MUC12: variants seen among roughly 807,000 people sequenced by gnomAD.
The protein encoded by MUC12 is mucin 12, cell surface associated, also known as mucin-12.
Under a neutral mutation model 230.8 loss-of-function variants are expected in MUC12, and 172 were observed. The ratio of observed to expected loss-of-function variants is 0.75; its 90% confidence interval spans 0.66 to 0.85. MUC12 has a LOEUF of 0.85. Among genes scored for constraint, MUC12 ranks in the 40% least tolerant of loss-of-function variants. The pLI, the probability that MUC12 is intolerant of heterozygous loss-of-function variation, is 0.00. For synonymous variants in MUC12, 1,259 were observed against 2,401.9 expected, an observed-to-expected ratio of 0.52 and a Z score of 13.91; for missense variants, 3,506 against 5,920.6, an observed-to-expected ratio of 0.59 and a Z score of 13.38.
In MUC12 at chr7:100,991,439, T is replaced by C; in HGVS notation, c.876T>C (p.Ser292=). Residue 292 remains serine (S), a synonymous_variant, in exon 2 of 12, where the codon TCT becomes TCC. Coordinates refer to ENST00000536621, the MANE Select transcript of MUC12 (RefSeq NM_001164462.2). ...PSSKDTSPAP[S]GTTSAFVKLS... is the part of the protein sequence containing the mutation. ...CAAAGGACACTTCGCCTGCACCTTC[T>C]GGTACCACATCAGCCTTTGTTAAAC... 6.5e-7 allele frequency: 1 copy of C among 1,537,810 alleles called. No homozygotes were observed. The highest frequency in any genetic ancestry group is 8.7e-7 in the Non-Finnish European group (1 of 1,147,038).
rs1266395789 is a variant in MUC12, at chr7:100,992,807, A to T, written c.2244A>T (p.Ser748=). 1 of 1,537,310 alleles carries T rather than the reference A, an allele frequency of 6.5e-7. No individual in the cohort carries two copies. The highest frequency in any genetic ancestry group is 2.4e-5 in the East Asian group (1 of 40,930). ...EPTSYHSSPG[S]TATTHFPDSS... ...CCAGCTACCACAGCAGCCCGGGCTCAACTGCAACAACACACTTCCCTGACA... is the reference window on the plus strand; with the variant it reads ...CCAGCTACCACAGCAGCCCGGGCTCTACTGCAACAACACACTTCCCTGACA... Residue 748 remains serine (S), a synonymous_variant, in exon 2 of 12, where the codon TCA becomes TCT. Transcript: ENST00000536621.
rs572421103 is a variant in MUC12, at chr7:100,976,768, C to T, written c.67+7079C>T. 3.5e-4 allele frequency among the ~76,000 whole-genome samples: 53 copies of T among 151,606 alleles called. 1 individual carries two copies. The highest frequency in any genetic ancestry group is 1.1e-3 in the African/African-American group (47 of 41,306). On this transcript the variant is annotated intron_variant, in intron 1 of 11. Transcript: ENST00000536621. ...GCACAGAGATGATAAATAATTTGCTCGGTGGGGCGTGGTGTCTCACGCCTG... is the reference window on the plus strand; with the variant it reads ...GCACAGAGATGATAAATAATTTGCTTGGTGGGGCGTGGTGTCTCACGCCTG...
At chr7:100,989,340 T>C (rs1422933202) in intron 1 of MUC12, among the ~76,000 whole-genome samples, 1 of 152,064 alleles carries the variant, frequency 6.6e-6, no homozygotes, top group Non-Finnish European at 1.5e-5. Context: ...ACTCCTGACC[T>C]CAAGTGATCT....
At chr7:100,987,472 AG>A (rs1442374553) in intron 1 of MUC12, among the ~76,000 whole-genome samples, 1 of 152,160 alleles carries the variant, frequency 6.6e-6, no homozygotes, top group Non-Finnish European at 1.5e-5. Context: ...GACCAGGTAG[AG>A]GGGGCAGTGT....
chr7:100,971,993 C>T, intron 1 of MUC12: 1 of 692,702 alleles, frequency 1.4e-6, no homozygotes. Flanking sequence ...GCAAAACAGT[C>T]AGAAAAACAT....
At chr7:100,971,675 AT>A (rs1461388854) in intron 1 of MUC12, among the ~76,000 whole-genome samples, 1 of 152,310 alleles carries the variant, frequency 6.6e-6, no homozygotes, top group Non-Finnish European at 1.5e-5. Context: ...GAGTTTATTA[AT>A]AAGACATAGA....
intron 8 of MUC12, 112 bp from the exon 9 acceptor site, chr7:101,013,801 C>A (rs1793875597): frequency 7.9e-7 from 1 of 1,267,236 alleles, no homozygotes; most frequent in African/African-American, 1.5e-5. Context: ...TGAGCTCCAG[C>A]CGTTGGAGTG....
intron 1 of MUC12, among the ~76,000 whole-genome samples, chr7:100,983,691 G>A (rs890831399): frequency 3.3e-5 from 5 of 152,064 alleles, no homozygotes; most frequent in Admixed American, 6.6e-5. Context: ...GTGATAGGGC[G>A]AGTACAGGAA....
rs1459418768 is a variant in MUC12 at position 100,992,518 on chromosome 7, C to G, written c.1955C>G (p.Ser652Ter). The part of the protein sequence containing the change: ...DTRPAPPTTT[S>*]AFVEPSTTSH... ...AGGCCTGCACCTCCTACTACCACAT[C>G]AGCCTTTGTTGAGCCATCTACAACC... Residue 652 changes from serine to a stop codon, truncating the protein, a stop_gained, in exon 2 of 12, where the codon TCA becomes TGA. Transcript: ENST00000536621. LOFTEE classifies it high-confidence loss of function. 6.5e-7 allele frequency: 1 copy of G among 1,537,970 alleles called. No individual in the cohort carries two copies. Among genetic ancestry groups the G allele is most frequent in the Non-Finnish European group, 8.7e-7 (1 of 1,147,070 alleles).
chr7:100,979,171 T>A lies in MUC12; in HGVS notation c.67+9482T>A, dbSNP rs139859966. Among the ~76,000 whole-genome samples the A allele has an allele frequency of 2.8e-3, 432 of 152,214 alleles. 5 individuals are homozygous for A. The highest frequency in any genetic ancestry group is 9.6e-3 in the African/African-American group (400 of 41,524). On this transcript the variant is annotated intron_variant, in intron 1 of 11. Coordinates refer to ENST00000536621, the MANE Select transcript of MUC12 (RefSeq NM_001164462.2). ...ATGTAGAAGCAGTAAACACTGTAAA[T>A]GGGCAAGAAAGGACTCAACTTAATT...
chr7:101,013,645 G>A (rs1793873349), intron 8 of MUC12, among the ~76,000 whole-genome samples: 1 of 152,130 alleles, frequency 6.6e-6, no homozygotes, highest in African/African-American at 2.4e-5. Context: ...TGGGTGAATG[G>A]TACGTGTCTG....
chr7:100,995,369 G>C lies in MUC12; in HGVS notation c.4806G>C (p.Gln1602His). Residue 1602 changes from glutamine to histidine, a missense_variant, in exon 2 of 12, where the codon CAG becomes CAC. By Grantham distance (24) the Gln-to-His change is conservative (BLOSUM62 0). Transcript: ENST00000536621. ...PGSTTMPGVSQESTASHSSPG... is the reference protein window; with the variant it reads ...PGSTTMPGVSHESTASHSSPG... ...GTACCACCATGCCAGGCGTCAGTCA[G>C]GAATCTACAGCTTCCCACAGCAGCC... 2 of 1,535,268 alleles carry C rather than the reference G, an allele frequency of 1.3e-6. No individual in the cohort carries two copies. Among genetic ancestry groups the C allele is most frequent in the Non-Finnish European group, 1.7e-6 (2 of 1,146,646 alleles).
chr7:100,991,790 T>C lies in MUC12; in HGVS notation c.1227T>C (p.His409=), dbSNP rs1793316249. Residue 409 remains histidine (H), a synonymous_variant, in exon 2 of 12, where the codon CAT becomes CAC. Transcript: ENST00000536621. The part of the protein sequence containing the change: ...STPSTTAALA[H]TSYHSSLGST... ...CTAGCACCACAGCTGCCCTAGCACATACAAGCTACCACAGCAGCCTGGGCT... is the reference window on the plus strand; with the variant it reads ...CTAGCACCACAGCTGCCCTAGCACACACAAGCTACCACAGCAGCCTGGGCT... 2 of 1,537,790 alleles carry C rather than the reference T, an allele frequency of 1.3e-6. No individual in the cohort carries two copies. The highest frequency in any genetic ancestry group is 1.4e-5 in the African/African-American group (1 of 73,038).
At chr7:100,972,797 C>T (rs1302231067) in intron 1 of MUC12, 4 of 694,474 alleles carry the variant, frequency 5.8e-6, no homozygotes, top group African/African-American at 1.8e-5. Flanking sequence ...CGAGCCACCG[C>T]ATCTGGCCCA....
rs1457899098 is a variant in MUC12 at position 100,994,637 on chromosome 7, C to G, written c.4074C>G (p.Ser1358Arg). The change falls in exon 2 of 12, where the codon AGC becomes AGG. Residue 1358 changes from serine to arginine, a missense_variant. Ser to Arg is a moderately radical substitution (Grantham distance 110). Transcript: ENST00000536621. Reference protein sequence around the residue: ...DLSQEPTTSHSSQGSTEATLS... With the variant: ...DLSQEPTTSHRSQGSTEATLS... Reference sequence around the variant, plus strand: ...GTCAGGAACCTACAACTTCCCACAGCAGCCAAGGCTCAACAGAGGCAACAC... The same window carrying G: ...GTCAGGAACCTACAACTTCCCACAGGAGCCAAGGCTCAACAGAGGCAACAC... The G allele has an allele frequency of 1.4e-6, 2 of 1,466,544 alleles. 1 individual carries two copies. Among genetic ancestry groups the G allele is most frequent in the Non-Finnish European group, 1.8e-6 (2 of 1,111,430 alleles). The allele number at this position is 1,466,544 out of a possible 1,614,324, so 90.8% of individuals were successfully genotyped here.
intron 3 of MUC12, 48 bp downstream of exon 3, chr7:101,006,620 C>A: frequency 7.8e-7 from 1 of 1,278,584 alleles, no homozygotes; most frequent in Non-Finnish European, 1.1e-6. Flanking sequence ...CCCTTTCACC[C>A]CTGAAAACAG....
In MUC12 at chr7:101,017,663, G is replaced by A; in HGVS notation, c.15966G>A (p.Glu5322=). The change falls in exon 11 of 12, where the codon GAG becomes GAA. Residue 5322 remains glutamate, a splice_region_variant and synonymous_variant. Transcript: ENST00000536621. ...TGGAGACTGTTGACTCTGGCACAGAGGTGACTCAGCTGCGAGCTGCCCCCA... is the reference window on the plus strand; with the variant it reads ...TGGAGACTGTTGACTCTGGCACAGAAGTGACTCAGCTGCGAGCTGCCCCCA... ...PTLETVDSGT[E]LHIQRPEMVA... is the part of the protein sequence containing the mutation. The A allele has an allele frequency of 1.3e-6, 2 of 1,535,574 alleles. No homozygotes were observed. Among genetic ancestry groups the A allele is most frequent in the Non-Finnish European group, 1.7e-6 (2 of 1,145,802 alleles).
chr7:100,969,659 C>G lies in MUC12; in HGVS notation c.37C>G (p.Leu13Val). The change falls in exon 1 of 12, where the codon CTC becomes GTC. Residue 13 changes from leucine to valine, a missense_variant. By Grantham distance (32) the Leu-to-Val change is conservative (BLOSUM62 1). Coordinates refer to ENST00000536621, the MANE Select transcript of MUC12 (RefSeq NM_001164462.2). ...VIWILTLALR[L>V]CASVTTVTPG... ...CTGGATTCTGACGCTGGCTCTCCGG[C>G]TCTGCGCGTCCGTTACTACAGTGAC... 6.5e-7 allele frequency: 1 copy of G among 1,537,294 alleles called. No individual in the cohort carries two copies. The highest frequency in any genetic ancestry group is 8.7e-7 in the Non-Finnish European group (1 of 1,146,864).
chr7:100,984,115 C>A (rs1793150626), intron 1 of MUC12, among the ~76,000 whole-genome samples: 1 of 152,058 alleles, frequency 6.6e-6, no homozygotes, highest in Non-Finnish European at 1.5e-5. Context: ...CTCTTGGTGT[C>A]CCAAACAAAG....
Sources: gnomAD v4.1 joint callset for allele counts (sites outside exome capture counted in the v4.1 genomes callset) on GRCh38, gnomAD v4.1.1 for gene constraint, MANE v1.5 for transcripts, NCBI Gene and HGNC (gene_info 2026-07-23, HGNC 2026-07-21) for gene names.